The following SPDYA variants were observed in gnomAD, a reference collection of about 807,000 sequenced individuals.
SPDYA encodes speedy/RINGO cell cycle regulator family member A.
In SPDYA, 11 loss-of-function variants were observed where a neutral mutation model predicts 36.7. The observed-to-expected ratio is 0.30, with a 90% CI of 0.19 to 0.50. The LOEUF is 0.50. SPDYA is among the 20% of genes least tolerant of loss of function. SPDYA has a pLI of 0.98. For synonymous variants in SPDYA, 115 were observed against 118.7 expected, an observed-to-expected ratio of 0.97 and a Z score of 0.20; for missense variants, 287 against 370.9, an observed-to-expected ratio of 0.77 and a Z score of 1.86.
chr2:28,822,810 G>A (rs1024210697), intron 5 of SPDYA, among the ~76,000 whole-genome samples: 2 of 152,130 alleles, frequency 1.3e-5, no homozygotes, highest in Non-Finnish European at 2.9e-5. Context: ...GTTTCACCAT[G>A]TTGGCCAGGA....
intron 1 of SPDYA, among the ~76,000 whole-genome samples, chr2:28,812,069 C>T (rs1310838846): frequency 6.6e-6 from 1 of 152,206 alleles, no homozygotes; most frequent in Admixed American, 6.5e-5. Flanking sequence ...GTCAGTTCTG[C>T]ATTCAAATTC....
intron 5 of SPDYA, among the ~76,000 whole-genome samples, chr2:28,823,798 T>C (rs940022458): frequency 1.4e-4 from 18 of 126,220 alleles, no homozygotes; most frequent in Non-Finnish European, 2.5e-4. Flanking sequence ...CAGGCTGGAG[T>C]GCAGTGGCGT....
At chr2:28,848,461 A>G (rs1668939951) in intron 7 of SPDYA, among the ~76,000 whole-genome samples, 1 of 152,114 alleles carries the variant, frequency 6.6e-6, no homozygotes, top group Non-Finnish European at 1.5e-5. Flanking sequence ...TCTCAGCTCA[A>G]TTGTCACTTG....
intron 7 of SPDYA, among the ~76,000 whole-genome samples, chr2:28,845,084 C>T (rs1668837031): frequency 6.6e-6 from 1 of 152,014 alleles, no homozygotes; most frequent in Non-Finnish European, 1.5e-5. Context: ...TGTGCCCAGC[C>T]AAATGCTTTT....
chr2:28,828,020 G>A (rs999126968), intron 5 of SPDYA, among the ~76,000 whole-genome samples: 11 of 150,074 alleles, frequency 7.3e-5, no homozygotes, highest in Admixed American at 4.7e-4. Context: ...GAGTCTCCCC[G>A]TCACCCAGGC....
At chr2:28,832,405 C>G (rs1010244364) in intron 6 of SPDYA, among the ~76,000 whole-genome samples, 4 of 152,166 alleles carry the variant, frequency 2.6e-5, no homozygotes, top group African/African-American at 9.7e-5. Flanking sequence ...CCCCAGGGCT[C>G]AGACTTAGGA....
At chr2:28,818,118 A>T (rs1668034541) in intron 3 of SPDYA, among the ~76,000 whole-genome samples, 1 of 152,008 alleles carries the variant, frequency 6.6e-6, no homozygotes, top group African/African-American at 2.4e-5. Context: ...TTGAGCCAAG[A>T]TCACGCCACT....
chr2:28,815,767 G>A (rs942338586), intron 2 of SPDYA, among the ~76,000 whole-genome samples: 1 of 152,168 alleles, frequency 6.6e-6, no homozygotes, highest in Non-Finnish European at 1.5e-5. Context: ...ATGGCATACA[G>A]TATCTTCTTA....
At chr2:28,840,930 GTTTTT>G (rs70956054) in intron 7 of SPDYA, 4 of 113,828 alleles carry the variant, frequency 3.5e-5, no homozygotes, top group Non-Finnish European at 6.6e-5. Context: ...TCCAAAACCA[GTTTTT>G]TTTTTTTTTT....
chr2:28,832,717 G>A (rs1426850014), intron 6 of SPDYA, among the ~76,000 whole-genome samples: 2 of 151,718 alleles, frequency 1.3e-5, no homozygotes, highest in Non-Finnish European at 2.9e-5. Flanking sequence ...TCTTATATTT[G>A]TACCTTGAAA....
intron 6 of SPDYA, among the ~76,000 whole-genome samples, chr2:28,839,235 AGT>A (rs1418731373): frequency 6.6e-6 from 1 of 152,196 alleles, no homozygotes; most frequent in African/African-American, 2.4e-5. Flanking sequence ...TAAGAAACCA[AGT>A]GTACCCGGAC....
chr2:28,828,310 G>C (rs1405064035), intron 5 of SPDYA, among the ~76,000 whole-genome samples: 1 of 151,714 alleles, frequency 6.6e-6, no homozygotes, highest in Non-Finnish European at 1.5e-5. Flanking sequence ...TATGATTTTT[G>C]TTTCTTTTTT....
At chr2:28,825,396 CTGCATGTTGTAT>C (rs1668291692) in intron 5 of SPDYA, among the ~76,000 whole-genome samples, 1 of 152,078 alleles carries the variant, frequency 6.6e-6, no homozygotes, top group Non-Finnish European at 1.5e-5. Flanking sequence ...TAAGGTTGTA[CTGCATGTTGTAT>C]TATGTAAGCT....
chr2:28,836,451 C>T (rs1213203741), intron 6 of SPDYA, among the ~76,000 whole-genome samples: 1 of 152,120 alleles, frequency 6.6e-6, no homozygotes, highest in East Asian at 1.9e-4. Flanking sequence ...ATACTAATAA[C>T]TTAGTGCTCT....
chr2:28,849,443 C>T (rs1448920749), intron 7 of SPDYA, among the ~76,000 whole-genome samples: 2 of 152,206 alleles, frequency 1.3e-5, no homozygotes, highest in African/African-American at 4.8e-5. Context: ...AGGTGCCCGC[C>T]ACCACAACCA....
chr2:28,850,129 G>T lies in SPDYA; in HGVS notation c.*188G>T. The T allele has an allele frequency of 7.0e-7, 1 of 1,423,230 alleles. No homozygotes were observed. The highest frequency in any genetic ancestry group is 1.2e-5 in the South Asian group (1 of 82,124). 88.2% of individuals were successfully genotyped at this position (1,423,230 alleles called of 1,614,324 possible). Reference sequence around the variant, plus strand: ...CTAAAAATGCCAATCTATGGAAGCAGTGATTTTCAATATAAAGTTCTATTT... The same window carrying T: ...CTAAAAATGCCAATCTATGGAAGCATTGATTTTCAATATAAAGTTCTATTT... On this transcript the variant is annotated 3_prime_UTR_variant, in exon 8 of 8. Transcript: ENST00000334056.
chr2:28,831,901 A>C (rs1668487199), intron 6 of SPDYA, among the ~76,000 whole-genome samples: 1 of 152,038 alleles, frequency 6.6e-6, no homozygotes, highest in Non-Finnish European at 1.5e-5. Context: ...TGTGCACTAG[A>C]TCTCATCTTT....
chr2:28,843,067 C>T (rs905359121), intron 7 of SPDYA, among the ~76,000 whole-genome samples: 6 of 152,192 alleles, frequency 3.9e-5, no homozygotes, highest in Admixed American at 3.3e-4. Context: ...TCAGTGCTTC[C>T]ACCTTTCTTT....
chr2:28,833,725 G>T (rs1668527612), intron 6 of SPDYA, among the ~76,000 whole-genome samples: 1 of 152,084 alleles, frequency 6.6e-6, no homozygotes, highest in South Asian at 2.1e-4. Flanking sequence ...ACTCAAAATG[G>T]ATCAAAGACC....
Sources: allele counts gnomAD v4.1 joint callset (sites outside exome capture counted in the v4.1 genomes callset), GRCh38; gene constraint gnomAD v4.1.1; transcripts MANE v1.5; gene names NCBI Gene and HGNC (gene_info 2026-07-23, HGNC 2026-07-21).